Variants in SLC22A23 observed in about 807,000 individuals in gnomAD.
SLC22A23 encodes the protein ion transporter protein.
SLC22A23 carries 26 observed loss-of-function variants against 61.0 expected under a neutral mutation model. The observed-to-expected ratio is 0.43, with a 90% CI of 0.31 to 0.59. SLC22A23 has a LOEUF of 0.59. SLC22A23 is among the 20% of genes least tolerant of loss of function. The pLI is 0.11. For synonymous variants in SLC22A23, 430 were observed against 413.9 expected (o/e 1.04, Z -0.47); for missense variants, 796 against 934.7 (o/e 0.85, Z 1.94).
chr6:3,283,445 G>A (rs571832539), intron 9 of SLC22A23: 1 of 269,604 alleles, frequency 3.7e-6, no homozygotes, highest in Non-Finnish European at 7.4e-6. Context: ...GGAGGGCCGG[G>A]GGGTAGGCTC....
At chr6:3,352,944 G>A (rs1296826852) in intron 3 of SLC22A23, among the ~76,000 whole-genome samples, 4 of 152,198 alleles carry the variant, frequency 2.6e-5, no homozygotes, top group Non-Finnish European at 4.4e-5. Context: ...CCAGTGGTCA[G>A]CTTGTCCCAA....
chr6:3,303,600 G>A (rs1379764046), intron 4 of SLC22A23, among the ~76,000 whole-genome samples: 1 of 152,154 alleles, frequency 6.6e-6, no homozygotes, highest in Non-Finnish European at 1.5e-5. Context: ...GCCAGGTACA[G>A]AAAATTAAGC....
At chr6:3,396,355 G>A (rs1768002821) in intron 3 of SLC22A23, among the ~76,000 whole-genome samples, 2 of 152,222 alleles carry the variant, frequency 1.3e-5, no homozygotes, top group African/African-American at 4.8e-5. Flanking sequence ...GAGGTCAAGA[G>A]ATCGAGACCA....
rs571553865 is a variant in SLC22A23 at position 3,408,455 on chromosome 6, G to A, written c.913+1733C>T. On this transcript the variant is annotated intron_variant, in intron 3 of 9. Transcript: ENST00000406686. ...TGCCGTTCAGGTACAATTCACTCCT[G>A]GTCTGGCTTCATTCATGGATAGTCT... Among the ~76,000 whole-genome samples, 19 of 152,342 alleles carry A rather than the reference G, an allele frequency of 1.2e-4. 1 individual carries two copies. The South Asian group carries it at 3.9e-3, about 32-fold the overall frequency.
chr6:3,406,387 C>T (rs1254442874), intron 3 of SLC22A23, among the ~76,000 whole-genome samples: 3 of 152,162 alleles, frequency 2.0e-5, no homozygotes, highest in African/African-American at 7.2e-5. Flanking sequence ...CAACCAATCA[C>T]GTCCGCCTAT....
chr6:3,336,513 T>C (rs1486501097), intron 3 of SLC22A23, among the ~76,000 whole-genome samples: 1 of 152,346 alleles, frequency 6.6e-6, no homozygotes, highest in East Asian at 1.9e-4. Context: ...CCTATTCCCC[T>C]TCTCACAGGC....
intron 1 of SLC22A23, among the ~76,000 whole-genome samples, chr6:3,426,945 G>A (rs542304235): frequency 6.6e-6 from 1 of 152,344 alleles, no homozygotes; most frequent in Non-Finnish European, 1.5e-5. Context: ...GCTTACCACT[G>A]TCTCTGAGGA....
intron 3 of SLC22A23, among the ~76,000 whole-genome samples, chr6:3,381,470 G>A (rs921541688): frequency 1.3e-5 from 2 of 152,172 alleles, no homozygotes; most frequent in African/African-American, 4.8e-5. Flanking sequence ...CAGTGGTGAG[G>A]CGTTTCAGGA....
intron 4 of SLC22A23, among the ~76,000 whole-genome samples, chr6:3,306,977 C>T (rs2127372413): frequency 6.6e-6 from 1 of 152,338 alleles, no homozygotes; most frequent in Middle Eastern, 3.4e-3. Context: ...AAGCAGGCGT[C>T]AGCGTCTGCA....
chr6:3,337,928 A>G (rs1763949015), intron 3 of SLC22A23, among the ~76,000 whole-genome samples: 1 of 152,106 alleles, frequency 6.6e-6, no homozygotes. Context: ...CTCTCTACCC[A>G]CCTTTCTGCT....
chr6:3,293,118 G>A (rs750464777), intron 5 of SLC22A23, among the ~76,000 whole-genome samples: 16 of 152,230 alleles, frequency 1.1e-4, no homozygotes, highest in African/African-American at 3.1e-4. Context: ...ATTGGCTTGC[G>A]TGGGGGTATG....
At chr6:3,343,588 A>T (rs1245825230) in intron 3 of SLC22A23, among the ~76,000 whole-genome samples, 1 of 152,236 alleles carries the variant, frequency 6.6e-6, no homozygotes, top group Admixed American at 6.5e-5. Flanking sequence ...CCAGCTCTTA[A>T]CAAGCTAAGC....
chr6:3,346,495 C>T (rs889756029), intron 3 of SLC22A23, among the ~76,000 whole-genome samples: 3 of 152,220 alleles, frequency 2.0e-5, no homozygotes, highest in African/African-American at 7.2e-5. Context: ...CACCCCATTG[C>T]CGCTACTCTG....
At chr6:3,345,466 A>T (rs1407189311) in intron 3 of SLC22A23, among the ~76,000 whole-genome samples, 5 of 151,218 alleles carry the variant, frequency 3.3e-5, no homozygotes. Flanking sequence ...CCTGGGTTCA[A>T]GTGATTCTCC....
intron 1 of SLC22A23, among the ~76,000 whole-genome samples, chr6:3,441,701 C>G (rs567706931): frequency 1.3e-5 from 2 of 152,166 alleles, no homozygotes; most frequent in Non-Finnish European, 2.9e-5. Context: ...GGGATGTGCT[C>G]GGTTCACCCC....
chr6:3,385,773 T>C (rs1360028474), intron 3 of SLC22A23, among the ~76,000 whole-genome samples: 1 of 152,192 alleles, frequency 6.6e-6, no homozygotes, highest in Non-Finnish European at 1.5e-5. Context: ...CACAAACACA[T>C]GTGCCTGCAA....
intron 3 of SLC22A23, among the ~76,000 whole-genome samples, chr6:3,401,244 G>A (rs1393976528): frequency 2.0e-5 from 3 of 152,252 alleles, no homozygotes; most frequent in Middle Eastern, 3.4e-3. Context: ...AGGCTGAGGC[G>A]GGAGAATCGC....
chr6:3,407,080 G>T (rs1330075211), intron 3 of SLC22A23, among the ~76,000 whole-genome samples: 1 of 152,208 alleles, frequency 6.6e-6, no homozygotes, highest in Non-Finnish European at 1.5e-5. Flanking sequence ...GGCCTTTCCA[G>T]CAGATGCATT....
intron 5 of SLC22A23, chr6:3,290,339 GCTT>G (rs1254402819): frequency 4.5e-6 from 1 of 221,854 alleles, no homozygotes; most frequent in Non-Finnish European, 9.1e-6. Context: ...ATGCAGATAT[GCTT>G]CTTAGCCTTG....
Sources: allele counts gnomAD v4.1 joint callset (sites outside exome capture counted in the v4.1 genomes callset), GRCh38; gene constraint gnomAD v4.1.1; transcripts MANE v1.5; gene names NCBI Gene and HGNC (gene_info 2026-07-23, HGNC 2026-07-21).